Variants in NALCN observed in about 807,000 individuals in gnomAD.
The protein encoded by NALCN is sodium leak channel, non-selective.
NALCN carries 111 observed loss-of-function variants against 225.3 expected under a neutral mutation model. That is an observed-to-expected ratio of 0.49 (90% CI 0.42 to 0.58). The LOEUF (loss-of-function observed/expected upper bound fraction) is 0.58, where lower values mean the gene tolerates loss of function less well. Among genes scored for constraint, NALCN ranks in the 20% least tolerant of loss-of-function variants. The pLI is 0.00. For synonymous variants in NALCN, 764 were observed against 769.0 expected, an observed-to-expected ratio of 0.99 and a Z score of 0.11; for missense variants, 1,378 against 2,202.4, an observed-to-expected ratio of 0.63 and a Z score of 7.49.
intron 17 of NALCN, 95 bp downstream of exon 17, chr13:101,142,985 G>A: frequency 1.4e-6 from 2 of 1,418,140 alleles, no homozygotes; most frequent in Non-Finnish European, 2.0e-6. Flanking sequence ...ATTCTCTTGA[G>A]AAATTGGATT....
At chr13:101,163,633 G>A (rs2038295615) in intron 15 of NALCN, among the ~76,000 whole-genome samples, 1 of 152,186 alleles carries the variant, frequency 6.6e-6, no homozygotes, top group Non-Finnish European at 1.5e-5. Flanking sequence ...GCTGGCGTAG[G>A]ATTCCAAGGG....
intron 17 of NALCN, among the ~76,000 whole-genome samples, chr13:101,134,883 T>A (rs2036694202): frequency 6.6e-6 from 1 of 152,154 alleles, no homozygotes; most frequent in Non-Finnish European, 1.5e-5. Flanking sequence ...AGGTTTAATA[T>A]ACAGTACTTA....
intron 15 of NALCN, among the ~76,000 whole-genome samples, chr13:101,161,822 A>G (rs1185069225): frequency 1.3e-5 from 2 of 152,230 alleles, no homozygotes; most frequent in African/African-American, 4.8e-5. Context: ...CAGTGAGCCA[A>G]GACTGTACCA....
intron 30 of NALCN, among the ~76,000 whole-genome samples, chr13:101,084,549 A>C (rs889830729): frequency 3.9e-5 from 6 of 152,174 alleles, no homozygotes; most frequent in Admixed American, 1.3e-4. Flanking sequence ...ATCAATACGT[A>C]AGAATTTGTT....
At chr13:101,323,131 CAAT>C (rs1187464183) in intron 7 of NALCN, among the ~76,000 whole-genome samples, 2 of 151,908 alleles carry the variant, frequency 1.3e-5, no homozygotes, top group Non-Finnish European at 2.9e-5. Context: ...TCTTATAATC[CAAT>C]AATAATATGA....
intron 1 of NALCN, among the ~76,000 whole-genome samples, chr13:101,406,500 T>G (rs986807892): frequency 6.6e-6 from 1 of 152,202 alleles, no homozygotes; most frequent in African/African-American, 2.4e-5. Flanking sequence ...AATGACTTTT[T>G]CAATATATTT....
At chr13:101,175,152 G>A (rs1008817424) in intron 15 of NALCN, among the ~76,000 whole-genome samples, 2 of 152,144 alleles carry the variant, frequency 1.3e-5, no homozygotes, top group South Asian at 2.1e-4. Context: ...GAGCCGGGAA[G>A]ATGCCCATTT....
rs970102740 is a variant in NALCN, at chr13:101,058,013, C to T, written c.4949G>A (p.Arg1650Gln). ...GGCTGCATCTTGCCGACTTCCTCCT[C>T]GATCCGACAGCGTGGGGCTCAGGAG... ...QQLLSPTLSD[R>Q]GGSRQDAADA... Residue 1650 changes from arginine (R) to glutamine (Q), a missense_variant, in exon 43 of 44, where the codon CGA becomes CAA. This residue lies in a region of NALCN where 145 missense variants were observed against 169.6 expected (regional missense o/e 0.85). Coordinates refer to ENST00000251127, the MANE Select transcript of NALCN (RefSeq NM_052867.4). 5.0e-6 allele frequency: 8 copies of T among 1,613,632 alleles called. No homozygotes were observed. Among genetic ancestry groups the T allele is most frequent in the South Asian group, 3.3e-5 (3 of 91,082 alleles).
chr13:101,229,685 G>A, intron 12 of NALCN, 101 bp from the exon 13 acceptor site: 1 of 980,522 alleles, frequency 1.0e-6, no homozygotes, highest in Non-Finnish European at 1.4e-6. Flanking sequence ...AGTGCTTTAT[G>A]AAAATCATAC....
intron 10 of NALCN, among the ~76,000 whole-genome samples, chr13:101,283,669 G>A (rs2043243474): frequency 6.6e-6 from 1 of 151,834 alleles, no homozygotes; most frequent in South Asian, 2.1e-4. Flanking sequence ...GATTTCACAT[G>A]TCAACAAAAT....
At position 101,067,901 on chromosome 13, in the gene NALCN, A is replaced by T. The variant is rs2032551697; in HGVS notation, c.4446+17T>A. 1 of 1,551,402 alleles carries T rather than the reference A, an allele frequency of 6.4e-7. No individual in the cohort carries two copies. Among genetic ancestry groups the T allele is most frequent in the Non-Finnish European group, 8.9e-7 (1 of 1,125,454 alleles). On this transcript the variant is annotated intron_variant, in intron 39 of 43. Coordinates refer to ENST00000251127, the MANE Select transcript of NALCN (RefSeq NM_052867.4). ...TCTCTTTGAGGTGAGGCATGAAACA[A>T]CAACCCACTCCCATACCTCTCTTTT...
chr13:101,380,427 A>G (rs1449805932), intron 3 of NALCN, among the ~76,000 whole-genome samples: 1 of 152,192 alleles, frequency 6.6e-6, no homozygotes, highest in Non-Finnish European at 1.5e-5. Flanking sequence ...GAATAATAAA[A>G]CAGAAAACTT....
At chr13:101,123,875 TATCA>T (rs1385846938) in intron 18 of NALCN, among the ~76,000 whole-genome samples, 1 of 152,194 alleles carries the variant, frequency 6.6e-6, no homozygotes, top group Non-Finnish European at 1.5e-5. Context: ...TAGAACTCCT[TATCA>T]CTCACCGCAG....
chr13:101,265,609 G>C (rs1240856311), intron 10 of NALCN, among the ~76,000 whole-genome samples: 2 of 152,188 alleles, frequency 1.3e-5, no homozygotes, highest in African/African-American at 4.8e-5. Context: ...CTGTTTTCTG[G>C]AGTGCTTGGT....
At chr13:101,207,938 G>A (rs1266211175) in intron 13 of NALCN, among the ~76,000 whole-genome samples, 1 of 152,180 alleles carries the variant, frequency 6.6e-6, no homozygotes, top group Non-Finnish European at 1.5e-5. Context: ...CTTCACTCCT[G>A]AAGCCAGCGA....
chr13:101,334,546 T>C (rs2045314337), intron 7 of NALCN, among the ~76,000 whole-genome samples: 1 of 152,040 alleles, frequency 6.6e-6, no homozygotes, highest in South Asian at 2.1e-4. Flanking sequence ...TTATTTTTTT[T>C]CTTCAATATT....
intron 9 of NALCN, among the ~76,000 whole-genome samples, chr13:101,287,192 G>C (rs920454198): frequency 6.6e-6 from 1 of 152,078 alleles, no homozygotes; most frequent in Admixed American, 6.5e-5. Flanking sequence ...TTTACTTTTG[G>C]ATACATATTG....
At chr13:101,287,382 C>A (rs2043377892) in intron 9 of NALCN, among the ~76,000 whole-genome samples, 1 of 152,166 alleles carries the variant, frequency 6.6e-6, no homozygotes, top group African/African-American at 2.4e-5. Context: ...AAGGTGGTAG[C>A]ATCTCATGCT....
chr13:101,109,755 C>A (rs550858994), intron 20 of NALCN, among the ~76,000 whole-genome samples: 1 of 152,248 alleles, frequency 6.6e-6, no homozygotes, highest in East Asian at 1.9e-4. Flanking sequence ...TAACGCTTGG[C>A]TTCTCTGCAT....
Sources: gnomAD v4.1 joint callset for allele counts (sites outside exome capture counted in the v4.1 genomes callset) on GRCh38, gnomAD v4.1.1 for gene constraint, gnomAD v4.1.1 regional missense constraint, MANE v1.5 for transcripts, NCBI Gene and HGNC (gene_info 2026-07-23, HGNC 2026-07-21) for gene names.